Variants in LRRC37A2 observed in about 807,000 individuals in gnomAD.
LRRC37A2 encodes leucine rich repeat containing 37 member A2.
A neutral mutation model predicts 68.8 loss-of-function variants in LRRC37A2; 9 were observed. That is an observed-to-expected ratio of 0.13 (90% CI 0.08 to 0.23). The LOEUF is 0.23. Ranked by LOEUF, LRRC37A2 falls within the 10% of genes least tolerant of loss-of-function variation. The pLI is 1.00. For synonymous variants in LRRC37A2, 63 were observed against 367.6 expected (o/e 0.17, Z 9.48); for missense variants, 168 against 950.4 (o/e 0.18, Z 10.82).
chr17:46,890,390 G>A, the LRRC37A2 span, among the ~76,000 whole-genome samples: 1 of 152,188 alleles, frequency 6.6e-6, no homozygotes, highest in Non-Finnish European at 1.5e-5. Flanking sequence ...ATAAGAGGCT[G>A]GATGGTGGGG....
At chr17:46,525,625 TC>T (rs2052633858) in intron 6 of LRRC37A2, among the ~76,000 whole-genome samples, 1 of 122,906 alleles carries the variant, frequency 8.1e-6, no homozygotes, top group Non-Finnish European at 1.8e-5. Flanking sequence ...ATCATCATCA[TC>T]ATCATCATCA....
the LRRC37A2 span, among the ~76,000 whole-genome samples, chr17:46,767,373 G>A: frequency 6.6e-6 from 1 of 152,146 alleles, no homozygotes; most frequent in Non-Finnish European, 1.5e-5. Flanking sequence ...CAGGATATGG[G>A]CTTATATGCC....
chr17:47,013,052 C>T, the LRRC37A2 span, among the ~76,000 whole-genome samples: 4 of 152,154 alleles, frequency 2.6e-5, no homozygotes, highest in Non-Finnish European at 4.4e-5. Context: ...TATCATTATG[C>T]GCTCCAGCCT....
chr17:46,751,187 A>T, the LRRC37A2 span, among the ~76,000 whole-genome samples: 1 of 152,200 alleles, frequency 6.6e-6, no homozygotes, highest in African/African-American at 2.4e-5. Context: ...ACACATACAG[A>T]TTGTTCCTAG....
chr17:46,787,999 T>C, the LRRC37A2 span, among the ~76,000 whole-genome samples: 1 of 150,222 alleles, frequency 6.7e-6, no homozygotes, highest in South Asian at 2.1e-4. Flanking sequence ...CCCTCCTCAG[T>C]GACCCCACCT....
At chr17:46,941,862 A>G in the LRRC37A2 span, 1 of 899,488 alleles carries the variant, frequency 1.1e-6, no homozygotes, top group Non-Finnish European at 1.3e-6. Context: ...CTAGGGTTAC[A>G]GGTGTTAGCC....
the LRRC37A2 span, chr17:46,876,607 C>T: frequency 2.5e-6 from 4 of 1,612,200 alleles, no homozygotes; most frequent in East Asian, 2.2e-5. Context: ...GGGGCTATGA[C>T]ACCCAGAGCC....
the LRRC37A2 span, chr17:46,923,417 G>A: frequency 2.3e-5 from 33 of 1,437,218 alleles, no homozygotes; most frequent in Non-Finnish European, 2.8e-5. Context: ...TTCAGGCTGG[G>A]GCCTGGAGAC....
the LRRC37A2 span, among the ~76,000 whole-genome samples, chr17:46,808,780 C>T: frequency 6.6e-6 from 1 of 151,938 alleles, no homozygotes; most frequent in Admixed American, 6.6e-5. Context: ...AAATAGGAAA[C>T]GTTTACAAGT....
chr17:46,684,461 A>T, the LRRC37A2 span, among the ~76,000 whole-genome samples: 1 of 152,108 alleles, frequency 6.6e-6, no homozygotes, highest in Non-Finnish European at 1.5e-5. Flanking sequence ...AATGATTGTA[A>T]TGGGATTGCT....
chr17:46,923,069 CG>C, the LRRC37A2 span: 1 of 723,410 alleles, frequency 1.4e-6, no homozygotes. Flanking sequence ...GGCGCGCGTG[CG>C]GGCAGCCCTG....
chr17:46,825,276 A>AG, the LRRC37A2 span, among the ~76,000 whole-genome samples: 1 of 152,090 alleles, frequency 6.6e-6, no homozygotes, highest in Non-Finnish European at 1.5e-5. Context: ...TCCCCTGTGT[A>AG]TGGGACATAA....
chr17:46,904,455 TG>T, the LRRC37A2 span, among the ~76,000 whole-genome samples: 1 of 9,992 alleles, frequency 1.0e-4, no homozygotes, highest in Non-Finnish European at 1.1e-3. Context: ...ACTGGATGGA[TG>T]GATGGATGGA....
chr17:46,931,714 A>G, the LRRC37A2 span: 2 of 346,022 alleles, frequency 5.8e-6, no homozygotes, highest in Non-Finnish European at 1.0e-5. Flanking sequence ...GCTTTACCTC[A>G]AAGATGCCCT....
chr17:46,892,854 G>T, the LRRC37A2 span, among the ~76,000 whole-genome samples: 1 of 152,138 alleles, frequency 6.6e-6, no homozygotes, highest in East Asian at 1.9e-4. Context: ...TTAATCAAAA[G>T]ATTCATCACC....
At chr17:46,886,589 T>C in the LRRC37A2 span, 1 of 152,020 alleles carries the variant, frequency 6.6e-6, no homozygotes, top group Non-Finnish European at 1.5e-5. Flanking sequence ...CTGTAACCAA[T>C]TAAGCTGTAT....
At chr17:47,000,383 C>T in the LRRC37A2 span, among the ~76,000 whole-genome samples, 9 of 151,636 alleles carry the variant, frequency 5.9e-5, no homozygotes, top group South Asian at 2.1e-4. Context: ...TACAGGTGTG[C>T]GCCACCATGC....
the LRRC37A2 span, among the ~76,000 whole-genome samples, chr17:47,005,083 C>A: frequency 6.6e-6 from 1 of 152,182 alleles, no homozygotes; most frequent in Non-Finnish European, 1.5e-5. Context: ...CCAGTCACTT[C>A]CTAACTCTGT....
At chr17:46,979,514 T>G in the LRRC37A2 span, among the ~76,000 whole-genome samples, 1 of 152,190 alleles carries the variant, frequency 6.6e-6, no homozygotes, top group African/African-American at 2.4e-5. Context: ...ATTCCAGGAT[T>G]TGATACCCTT....
Sources: gnomAD v4.1 joint callset for allele counts (sites outside exome capture counted in the v4.1 genomes callset) on GRCh38, gnomAD v4.1.1 for gene constraint, MANE v1.5 for transcripts, NCBI Gene and HGNC (gene_info 2026-07-23, HGNC 2026-07-21) for gene names.